Variants in TBXAS1 observed in about 807,000 individuals in gnomAD.
TBXAS1 encodes thromboxane-A synthase.
TBXAS1 carries 48 observed loss-of-function variants against 60.7 expected under a neutral mutation model. That is an observed-to-expected ratio of 0.79 (90% confidence interval 0.63 to 1.01). TBXAS1 has a LOEUF of 1.01. Ranked by LOEUF, TBXAS1 falls within the 50% of genes least tolerant of loss-of-function variation. TBXAS1 has a pLI of 0.00. For synonymous variants in TBXAS1, 287 were observed against 269.7 expected (o/e 1.06, Z -0.63); for missense variants, 685 against 686.3 (o/e 1.00, Z 0.02).
At chr7:139,801,440 C>T (rs1023099252) in intron 4 of TBXAS1, among the ~76,000 whole-genome samples, 1 of 151,344 alleles carries the variant, frequency 6.6e-6, no homozygotes, top group Non-Finnish European at 1.5e-5. Flanking sequence ...ATGTCTAGAC[C>T]TTGTTTCTGA....
chr7:139,799,648 C>T (rs759441033), intron 4 of TBXAS1, among the ~76,000 whole-genome samples: 1 of 152,208 alleles, frequency 6.6e-6, no homozygotes, highest in African/African-American at 2.4e-5. Flanking sequence ...TGAGCCACCA[C>T]GCCCAGCCCA....
At chr7:139,861,051 G>A (rs1439405520) in intron 1 of TBXAS1, among the ~76,000 whole-genome samples, 2 of 152,008 alleles carry the variant, frequency 1.3e-5, no homozygotes, top group African/African-American at 4.8e-5. Context: ...GCACATGCCT[G>A]TAATCCCAGC....
In TBXAS1 at chr7:139,809,218, AGATAGATAGATAGAT is replaced by A. The variant is rs1406930077; in HGVS notation, c.-79-20078_-79-20064del. Among the ~76,000 whole-genome samples the A allele has an allele frequency of 7.6e-5, 10 of 131,732 alleles. No individual in the cohort carries two copies. In the East Asian group the frequency reaches 1.0e-3, roughly 14 times the overall value. The allele number at this position is 131,732 out of a possible 152,430, so 86.4% of individuals were successfully genotyped here. On this transcript the variant is annotated intron_variant, in intron 4 of 16. Coordinates refer to the TBXAS1 transcript ENST00000336425. ...ATAGATGATAGATAGATAGATAGAT[AGATAGATAGATAGAT>A]GATAGATAGATAGATAGATAGATAG...
intron 3 of TBXAS1, among the ~76,000 whole-genome samples, chr7:139,905,479 G>A (rs761561975): frequency 2.6e-5 from 4 of 152,160 alleles, no homozygotes; most frequent in South Asian, 2.1e-4. Context: ...CCTGATGTTC[G>A]TGGATTATCT....
At chr7:139,864,284 C>T (rs1801190699) in intron 1 of TBXAS1, among the ~76,000 whole-genome samples, 1 of 147,356 alleles carries the variant, frequency 6.8e-6, no homozygotes, top group Non-Finnish European at 1.5e-5. Flanking sequence ...TGAGCAACAC[C>T]AAAACAAATG....
At chr7:139,938,615 A>G (rs928291238) in intron 5 of TBXAS1, among the ~76,000 whole-genome samples, 1 of 152,190 alleles carries the variant, frequency 6.6e-6, no homozygotes, top group Non-Finnish European at 1.5e-5. Context: ...GTGCCCCTTT[A>G]TCACATCCAG....
At chr7:140,001,128 G>C (rs559639583) in intron 9 of TBXAS1, among the ~76,000 whole-genome samples, 1 of 152,146 alleles carries the variant, frequency 6.6e-6, no homozygotes, top group Non-Finnish European at 1.5e-5. Context: ...CTGCAGGGGG[G>C]GCTTCCTCAT....
chr7:139,895,828 C>A (rs1399100135), intron 3 of TBXAS1, among the ~76,000 whole-genome samples: 2 of 152,218 alleles, frequency 1.3e-5, no homozygotes, highest in Non-Finnish European at 2.9e-5. Flanking sequence ...GGGCCAGCCA[C>A]AAAGGCAGGC....
chr7:139,834,530 A>T (rs1798932268), intron 1 of TBXAS1, among the ~76,000 whole-genome samples: 3 of 152,202 alleles, frequency 2.0e-5, no homozygotes, highest in Non-Finnish European at 4.4e-5. Flanking sequence ...TTAAACAAAA[A>T]ACTGGTTCTT....
intron 5 of TBXAS1, among the ~76,000 whole-genome samples, chr7:139,950,720 T>G (rs1809163872): frequency 2.2e-5 from 3 of 135,164 alleles, no homozygotes; most frequent in Non-Finnish European, 4.9e-5. Flanking sequence ...TCGCCCTCCA[T>G]CTACGGGACC....
chr7:139,857,232 A>G (rs1298116855), intron 1 of TBXAS1, among the ~76,000 whole-genome samples: 1 of 152,232 alleles, frequency 6.6e-6, no homozygotes, highest in Non-Finnish European at 1.5e-5. Context: ...GTCCCCTGAC[A>G]CATAAGGAAT....
intron 1 of TBXAS1, among the ~76,000 whole-genome samples, chr7:139,835,130 G>A (rs544662173): frequency 2.2e-3 from 330 of 149,682 alleles, no homozygotes; most frequent in African/African-American, 7.8e-3. Context: ...GCAGTGGCGC[G>A]ATCTCGGCTC....
intron 9 of TBXAS1, among the ~76,000 whole-genome samples, chr7:139,989,317 G>A (rs1812726373): frequency 6.6e-6 from 1 of 152,192 alleles, no homozygotes; most frequent in Non-Finnish European, 1.5e-5. Flanking sequence ...CCCCAAATCA[G>A]ACTGCAAAGA....
At chr7:139,791,682 T>C (rs1316526875) in intron 4 of TBXAS1, among the ~76,000 whole-genome samples, 5 of 152,210 alleles carry the variant, frequency 3.3e-5, no homozygotes, top group Non-Finnish European at 7.3e-5. Context: ...TGTATAATCC[T>C]AGTGAAAGGT....
intron 3 of TBXAS1, among the ~76,000 whole-genome samples, chr7:139,907,850 T>C (rs1457908012): frequency 5.9e-5 from 9 of 152,084 alleles, no homozygotes; most frequent in African/African-American, 2.2e-4. Context: ...GTTGTAAGAT[T>C]ATTCAGATTG....
intron 9 of TBXAS1, among the ~76,000 whole-genome samples, chr7:139,998,714 G>A (rs1813464024): frequency 1.3e-5 from 2 of 152,236 alleles, no homozygotes; most frequent in Non-Finnish European, 2.9e-5. Context: ...AGCAATTTCT[G>A]CAGCAGGTCA....
At chr7:140,003,247 T>C (rs1021893106) in intron 9 of TBXAS1, among the ~76,000 whole-genome samples, 4 of 152,148 alleles carry the variant, frequency 2.6e-5, no homozygotes, top group African/African-American at 9.7e-5. Context: ...GATGGAGTTT[T>C]GCTCTTGATG....
intron 2 of TBXAS1, among the ~76,000 whole-genome samples, chr7:139,781,183 C>T (rs535774516): frequency 1.1e-4 from 16 of 152,098 alleles, no homozygotes; most frequent in African/African-American, 3.9e-4. Flanking sequence ...ATTGAGCTAG[C>T]GAAGTTCGTA....
In TBXAS1 at chr7:139,962,594, G is replaced by A. The variant is rs116598564; in HGVS notation, c.1134+361G>A. 577 of 326,070 alleles carry A rather than the reference G, an allele frequency of 1.8e-3. 2 individuals carry two copies. The highest frequency in any genetic ancestry group is 0.011 in the African/African-American group (510 of 46,068). The allele number at this position is 326,070 out of a possible 1,614,324, so 20.2% of individuals were successfully genotyped here. ...TCTGACTTGGAGCTGCCACACGGAG[G>A]GAGGCAGGTGTGAGCCAGAAAGGAG... On this transcript the variant is annotated intron_variant, in intron 9 of 12. Coordinates refer to ENST00000448866, the MANE Select transcript of TBXAS1 (RefSeq NM_001061.7).
Sources: gnomAD v4.1 joint callset for allele counts (sites outside exome capture counted in the v4.1 genomes callset) on GRCh38, gnomAD v4.1.1 for gene constraint, MANE v1.5 for transcripts, NCBI Gene and HGNC (gene_info 2026-07-23, HGNC 2026-07-21) for gene names.